The following DNAAF11 variants were observed in gnomAD, a reference collection of about 807,000 sequenced individuals.
The protein encoded by DNAAF11 is leucine rich repeat containing 6.
A neutral mutation model predicts 60.8 loss-of-function variants in DNAAF11; 45 were observed. That is an observed-to-expected ratio of 0.74 (90% confidence interval 0.58 to 0.95). DNAAF11 has a LOEUF of 0.95. Ranked by LOEUF, DNAAF11 falls within the 40% of genes least tolerant of loss-of-function variation. The pLI is 0.00. For synonymous variants in DNAAF11, 191 were observed against 183.5 expected (o/e 1.04, Z -0.33); for missense variants, 546 against 546.2 (o/e 1.00, Z 0.00).
At chr8:132,694,406 A>C in the DNAAF11 span, among the ~76,000 whole-genome samples, 1 of 152,146 alleles carries the variant, frequency 6.6e-6, no homozygotes, top group Non-Finnish European at 1.5e-5. Flanking sequence ...GGATGTGAAG[A>C]TGCAGGGAGA....
intron 4 of DNAAF11, among the ~76,000 whole-genome samples, chr8:132,637,662 T>A (rs1480450161): frequency 6.6e-6 from 1 of 152,202 alleles, no homozygotes; most frequent in African/African-American, 2.4e-5. Flanking sequence ...ATGTTCTTCG[T>A]AACTATGATT....
At chr8:132,634,122 AT>A (rs1018689061) in intron 4 of DNAAF11, among the ~76,000 whole-genome samples, 13 of 152,216 alleles carry the variant, frequency 8.5e-5, no homozygotes, top group African/African-American at 1.4e-4. Context: ...ATAAGTCAAA[AT>A]TATGTAGAGA....
chr8:132,619,893 G>A (rs73355175), intron 7 of DNAAF11, among the ~76,000 whole-genome samples: 2,591 of 152,268 alleles, frequency 0.017, 87 homozygotes, highest in African/African-American at 0.059. Flanking sequence ...GAAGTTCACC[G>A]TCAGCAGCAG....
intron 10 of DNAAF11, among the ~76,000 whole-genome samples, chr8:132,607,024 T>G (rs929859098): frequency 6.6e-6 from 1 of 152,220 alleles, no homozygotes; most frequent in African/African-American, 2.4e-5. Context: ...AAGGGTATAG[T>G]GTTTTGAAGC....
intron 10 of DNAAF11, among the ~76,000 whole-genome samples, chr8:132,600,276 C>T (rs1303620951): frequency 1.3e-5 from 2 of 152,022 alleles, no homozygotes; most frequent in South Asian, 2.1e-4. Context: ...TAAAAGAGGA[C>T]ACAAACAAAT....
At chr8:132,679,664 T>C (rs1825836545), upstream of DNAAF11, among the ~76,000 whole-genome samples, 1 of 152,010 alleles carries the variant, frequency 6.6e-6, no homozygotes, top group African/African-American at 2.4e-5. Context: ...TGGTGGGAGG[T>C]AATTAAACCA....
At chr8:132,592,341 G>A (rs1461129343) in intron 10 of DNAAF11, among the ~76,000 whole-genome samples, 1 of 152,204 alleles carries the variant, frequency 6.6e-6, no homozygotes, top group Admixed American at 6.5e-5. Context: ...AGTGTTATCT[G>A]AGCTAGAAAA....
the DNAAF11 span, among the ~76,000 whole-genome samples, chr8:132,690,364 C>A: frequency 6.6e-6 from 1 of 152,232 alleles, no homozygotes; most frequent in South Asian, 2.1e-4. Flanking sequence ...GTTCTTCACT[C>A]TTCTCTCTCC....
At position 132,632,782 on chromosome 8, in the gene DNAAF11, G is replaced by A. The variant is rs376633613; in HGVS notation, c.611C>T (p.Ala204Val). The change falls in exon 5 of 12, where the codon GCA becomes GTA. Residue 204 changes from alanine (A) to valine (V), a missense_variant. Transcript: ENST00000620350. ...TGTGTACCAACGTCCATCAAAGCCTGCGTTACTTCTCTTGTCTTCATTTTT... is the reference window on the plus strand; with the variant it reads ...TGTGTACCAACGTCCATCAAAGCCTACGTTACTTCTCTTGTCTTCATTTTT... ...EDKNEDKRSNAGFDGRWYTDI... is the reference protein window; with the variant it reads ...EDKNEDKRSNVGFDGRWYTDI... 77 of 1,613,730 alleles carry A rather than the reference G, an allele frequency of 4.8e-5. No individual in the cohort carries two copies. The highest frequency in any genetic ancestry group is 2.9e-4 in the East Asian group (13 of 44,862).
chr8:132,595,651 A>G (rs1389734203), intron 10 of DNAAF11, among the ~76,000 whole-genome samples: 3 of 152,248 alleles, frequency 2.0e-5, no homozygotes, highest in African/African-American at 4.8e-5. Context: ...AAAAGAAACA[A>G]AACAAAATGT....
intron 10 of DNAAF11, among the ~76,000 whole-genome samples, chr8:132,586,143 A>G (rs1248366268): frequency 2.6e-5 from 4 of 152,202 alleles, no homozygotes; most frequent in African/African-American, 9.6e-5. Context: ...GGAGAGAGAG[A>G]ACGGGGGGAA....
chr8:132,670,512 T>C (rs1191124133), intron 1 of DNAAF11, among the ~76,000 whole-genome samples: 2 of 152,212 alleles, frequency 1.3e-5, no homozygotes, highest in East Asian at 1.9e-4. Context: ...ATGGCACAGA[T>C]GTCTCCTTTG....
the DNAAF11 span, among the ~76,000 whole-genome samples, chr8:132,699,023 G>T: frequency 1.3e-5 from 2 of 151,186 alleles, no homozygotes; most frequent in African/African-American, 4.9e-5. Flanking sequence ...CAGCTATTTG[G>T]GAAGCTGAGG....
chr8:132,584,072 G>A (rs2131017529), intron 10 of DNAAF11, among the ~76,000 whole-genome samples: 1 of 152,164 alleles, frequency 6.6e-6, no homozygotes, highest in Non-Finnish European at 1.5e-5. Context: ...ACAACAACAT[G>A]CCAGATACTT....
intron 10 of DNAAF11, among the ~76,000 whole-genome samples, chr8:132,595,329 A>AAG (rs1339294637): frequency 7.1e-6 from 1 of 140,218 alleles, no homozygotes; most frequent in Non-Finnish European, 1.5e-5. Context: ...GTGTTCCCGA[A>AAG]AGAGAGAGAG....
chr8:132,672,282 T>C (rs1186734182), intron 1 of DNAAF11, among the ~76,000 whole-genome samples: 1 of 152,128 alleles, frequency 6.6e-6, no homozygotes, highest in Admixed American at 6.5e-5. Context: ...AGACACTAGA[T>C]CTTCTCTAAA....
At chr8:132,641,319 T>G (rs775721529) in intron 3 of DNAAF11, among the ~76,000 whole-genome samples, 1 of 152,198 alleles carries the variant, frequency 6.6e-6, no homozygotes, top group East Asian at 1.9e-4. Context: ...CTAACATACG[T>G]ATTGTTTCAT....
chr8:132,596,733 C>T (rs1817052393), intron 10 of DNAAF11, among the ~76,000 whole-genome samples: 1 of 152,136 alleles, frequency 6.6e-6, no homozygotes, highest in African/African-American at 2.4e-5. Flanking sequence ...AGCCTCACTG[C>T]CTAGGAGAAA....
chr8:132,652,867 C>T (rs534350655), intron 3 of DNAAF11, among the ~76,000 whole-genome samples: 135 of 152,066 alleles, frequency 8.9e-4, no homozygotes, highest in Middle Eastern at 3.4e-3. Context: ...GTGCAGCAAA[C>T]CACCATGGCA....
Sources: gnomAD v4.1 joint callset for allele counts (sites outside exome capture counted in the v4.1 genomes callset) on GRCh38, gnomAD v4.1.1 for gene constraint, MANE v1.5 for transcripts, NCBI Gene and HGNC (gene_info 2026-07-23, HGNC 2026-07-21) for gene names.